UBOX5: variants seen among roughly 807,000 people sequenced by gnomAD.
UBOX5 encodes the protein RING finger protein 37.
In UBOX5, 28 loss-of-function variants were observed where a neutral mutation model predicts 39.0. The observed-to-expected ratio is 0.72, with a 90% CI of 0.53 to 0.98. The LOEUF (loss-of-function observed/expected upper bound fraction) is 0.98, where lower values mean the gene tolerates loss of function less well. UBOX5 is among the 50% of genes least tolerant of loss of function. The pLI is 0.00. For synonymous variants in UBOX5, 283 were observed against 275.5 expected, an observed-to-expected ratio of 1.03 and a Z score of -0.27; for missense variants, 585 against 674.4, an observed-to-expected ratio of 0.87 and a Z score of 1.47.
chr20:3,119,977 G>A (rs556050797), intron 3 of UBOX5, among the ~76,000 whole-genome samples: 1 of 152,100 alleles, frequency 6.6e-6, no homozygotes, highest in Non-Finnish European at 1.5e-5. Context: ...CACCTCAGGA[G>A]AGAGCAGCAT....
chr20:3,115,190 C>A, intron 4 of UBOX5, 115 bp downstream of exon 4: 1 of 1,355,106 alleles, frequency 7.4e-7, no homozygotes, highest in Non-Finnish European at 9.7e-7. Flanking sequence ...TTGGAACTGA[C>A]GGGGAGGCTG....
intron 1 of UBOX5, among the ~76,000 whole-genome samples, chr20:3,132,974 A>G (rs1444444505): frequency 2.6e-5 from 4 of 151,906 alleles, no homozygotes; most frequent in African/African-American, 9.7e-5. Context: ...AAAAAATTAA[A>G]TAATTAATAA....
chr20:3,132,390 T>C (rs913265814), intron 1 of UBOX5, among the ~76,000 whole-genome samples: 14 of 152,284 alleles, frequency 9.2e-5, no homozygotes, highest in Admixed American at 9.2e-4. Flanking sequence ...TTAATAATAA[T>C]TAATCAATAT....
At position 3,121,945 on chromosome 20, in the gene UBOX5, T is replaced by G; in HGVS notation, c.694A>C (p.Ser232Arg). The G allele has an allele frequency of 6.2e-7, 1 of 1,613,938 alleles. No individual in the cohort carries two copies. The highest frequency in any genetic ancestry group is 8.5e-7 in the Non-Finnish European group (1 of 1,180,032). ...GGCTGGTCCCCAGGGTCACAGTCAC[T>G]TTCCATGGGCAAGGCTGGAGCCTGC... ...ALQAPALPME[S>R]DCDPGDQPES... is the part of the protein sequence containing the mutation. Residue 232 changes from serine (S) to arginine (R), a missense_variant, in exon 3 of 5, where the codon AGT becomes CGT. Physicochemically the swap from Ser to Arg is moderately radical, Grantham distance 110. Transcript: ENST00000217173.
At chr20:3,116,046 C>T (rs6115793) in intron 3 of UBOX5, among the ~76,000 whole-genome samples, 5,595 of 152,206 alleles carry the variant, frequency 0.037, 325 homozygotes, top group African/African-American at 0.13. Flanking sequence ...TGAGCCACAG[C>T]GCCTGGCCTC....
At chr20:3,115,106 A>G (rs973830151) in intron 4 of UBOX5, among the ~76,000 whole-genome samples, 199 bp downstream of exon 4, 2 of 152,168 alleles carry the variant, frequency 1.3e-5, no homozygotes, top group East Asian at 3.9e-4. Context: ...TCTTGTGGGG[A>G]GTTTAAGTTC....
intron 1 of UBOX5, among the ~76,000 whole-genome samples, chr20:3,129,243 G>A (rs1270522998): frequency 6.6e-6 from 1 of 152,140 alleles, no homozygotes; most frequent in Non-Finnish European, 1.5e-5. Flanking sequence ...CATGCTCCTT[G>A]GTGCTGGTCC....
chr20:3,146,143 C>A (rs1417512639), intron 1 of UBOX5, among the ~76,000 whole-genome samples: 4 of 151,796 alleles, frequency 2.6e-5, no homozygotes, highest in Non-Finnish European at 5.9e-5. Context: ...GAGTTCAAGA[C>A]CAGCCTGGTC....
chr20:3,123,967 T>G (rs556746369), intron 1 of UBOX5, among the ~76,000 whole-genome samples: 128 of 152,248 alleles, frequency 8.4e-4, no homozygotes, highest in African/African-American at 2.8e-3. Context: ...GTGGTAGGAC[T>G]GCTTGAGCCC....
chr20:3,130,820 A>C (rs1465112091), intron 1 of UBOX5, among the ~76,000 whole-genome samples: 1 of 151,524 alleles, frequency 6.6e-6, no homozygotes, highest in Admixed American at 6.6e-5. Context: ...CAATAATGAG[A>C]ATTCCTTTCT....
At chr20:3,135,169 C>A (rs1393634268) in intron 1 of UBOX5, among the ~76,000 whole-genome samples, 1 of 151,996 alleles carries the variant, frequency 6.6e-6, no homozygotes, top group Non-Finnish European at 1.5e-5. Context: ...AAACGTTGGT[C>A]AAAAGTTTTG....
At chr20:3,138,177 G>T (rs2066487490) in intron 1 of UBOX5, among the ~76,000 whole-genome samples, 1 of 152,060 alleles carries the variant, frequency 6.6e-6, no homozygotes, top group Non-Finnish European at 1.5e-5. Context: ...GGAGGCTGAG[G>T]TGAGAGAATG....
chr20:3,149,060 G>A lies in UBOX5; in HGVS notation c.-42+10706C>T. ...TCTTACAAGTTTTAATGACTTGAGA[G>A]TAGCTGCCATTCTGGTGTCAGTATT... On this transcript the variant is annotated intron_variant, in intron 1 of 4. Transcript: ENST00000217173. The surrounding 1 kb of genome is among the most constrained non-coding windows in gnomAD (Gnocchi z 4.1). 16 of 1,610,312 alleles carry A rather than the reference G, an allele frequency of 9.9e-6. No homozygotes were observed. The highest frequency in any genetic ancestry group is 1.4e-5 in the Non-Finnish European group (16 of 1,177,778).
intron 1 of UBOX5, among the ~76,000 whole-genome samples, chr20:3,132,006 T>TCAAAA: frequency 2.2e-5 from 1 of 44,600 alleles, no homozygotes; most frequent in Non-Finnish European, 4.7e-5. Context: ...AGACACTGTC[T>TCAAAA]CAAAAAAAAA....
Position 3,121,646 on chromosome 20 carries a change from G to C in UBOX5, c.993C>G (p.Phe331Leu), listed in dbSNP as rs1350753895. The C allele has an allele frequency of 6.2e-7, 1 of 1,612,962 alleles. No homozygotes were observed. The highest frequency in any genetic ancestry group is 1.3e-5 in the African/African-American group (1 of 74,904). ...HPSLKARIDHFLLQHSIPGCH... is the reference protein window; with the variant it reads ...HPSLKARIDHLLLQHSIPGCH... ...AGCCAGGGATGGAGTGCTGGAGCAGGAAATGGTCAATCCGGGCCTTGAGGG... is the reference window on the plus strand; with the variant it reads ...AGCCAGGGATGGAGTGCTGGAGCAGCAAATGGTCAATCCGGGCCTTGAGGG... Residue 331 changes from phenylalanine to leucine, a missense_variant, in exon 3 of 5, where the codon TTC becomes TTG. By Grantham distance (22) the Phe-to-Leu change is conservative. Transcript: ENST00000217173.
At chr20:3,119,810 C>T (rs1000485952) in intron 3 of UBOX5, among the ~76,000 whole-genome samples, 2 of 151,922 alleles carry the variant, frequency 1.3e-5, no homozygotes, top group Admixed American at 6.6e-5. Context: ...GACGAGATTG[C>T]GCCATTGCAC....
At position 3,121,344 on chromosome 20, in the gene UBOX5, G is replaced by A. The variant is rs147247552; in HGVS notation, c.1255+40C>T. 1.7e-4 allele frequency: 271 copies of A among 1,571,448 alleles called. 1 individual carries two copies. In the East Asian group the frequency reaches 6.0e-3, roughly 35 times the overall value. Reference sequence around the variant, plus strand: ...CAGAGCTGAGAGCTCCTGGGAAGGAGATGGATGAGCCTGGCTGCGGACACA... The same window carrying A: ...CAGAGCTGAGAGCTCCTGGGAAGGAAATGGATGAGCCTGGCTGCGGACACA... On this transcript the variant is annotated intron_variant, in intron 3 of 4. Coordinates refer to ENST00000217173, the MANE Select transcript of UBOX5 (RefSeq NM_014948.4).
chr20:3,135,705 TATA>T (rs2066465073), intron 1 of UBOX5, among the ~76,000 whole-genome samples: 1 of 152,132 alleles, frequency 6.6e-6, no homozygotes, highest in African/African-American at 2.4e-5. Context: ...TTCAGTTACA[TATA>T]TATGTGAACA....
intron 1 of UBOX5, among the ~76,000 whole-genome samples, chr20:3,126,511 TAAAAAAAAAA>T (rs555965336): frequency 2.0e-5 from 1 of 49,774 alleles, no homozygotes; most frequent in African/African-American, 5.9e-5. Context: ...CAATAAATAC[TAAAAAAAAAA>T]AAAGAAAAGA....
Sources: gnomAD v4.1 joint callset for allele counts (sites outside exome capture counted in the v4.1 genomes callset) on GRCh38, gnomAD v4.1.1 for gene constraint, Gnocchi (gnomAD v3.1) non-coding constraint, MANE v1.5 for transcripts, NCBI Gene and HGNC (gene_info 2026-07-23, HGNC 2026-07-21) for gene names.